MAPK11: variants seen among roughly 807,000 people sequenced by gnomAD.
The protein encoded by MAPK11 is mitogen-activated protein kinase 11.
In MAPK11, 44 loss-of-function variants were observed where a neutral mutation model predicts 52.2. That is an observed-to-expected ratio of 0.84 (90% CI 0.66 to 1.08). The LOEUF is 1.08. Ranked by LOEUF, MAPK11 falls within the 50% of genes least tolerant of loss-of-function variation. The pLI is 0.00. For synonymous variants in MAPK11, 233 were observed against 206.3 expected, an observed-to-expected ratio of 1.13 and a Z score of -1.11; for missense variants, 436 against 494.7, an observed-to-expected ratio of 0.88 and a Z score of 1.13.
chr22:50,266,961 G>A lies in MAPK11; in HGVS notation c.583C>T (p.Leu195Phe). ...GTTTGGTTGTAATGCATCCAGTTGA[G>A]CATGATCTCAGGTGCCCGGTACCAG... ...TRWYRAPEIM[L>F]NWMHYNQTVD... The change falls in exon 7 of 12, where the codon CTC becomes TTC. Residue 195 changes from leucine to phenylalanine, a missense_variant. By Grantham distance (22) the Leu-to-Phe change is conservative. Coordinates refer to ENST00000330651, the MANE Select transcript of MAPK11 (RefSeq NM_002751.7). The A allele has an allele frequency of 6.2e-7, 1 of 1,611,590 alleles. No homozygotes were observed. The highest frequency in any genetic ancestry group is 8.5e-7 in the Non-Finnish European group (1 of 1,179,972).
In MAPK11 at chr22:50,266,320, A is replaced by G. The variant is rs1183204498; in HGVS notation, c.683-15T>C. 6.2e-7 allele frequency: 1 copy of G among 1,600,582 alleles called. No individual in the cohort carries two copies. The highest frequency in any genetic ancestry group is 1.1e-5 in the South Asian group (1 of 89,374). Reference sequence around the variant, plus strand: ...CTGGTCAATGTCTGTGTCACTCAGGAAACACCCACGGGCCAGCCACAGACC... The same window carrying G: ...CTGGTCAATGTCTGTGTCACTCAGGGAACACCCACGGGCCAGCCACAGACC... On this transcript the variant is annotated splice_polypyrimidine_tract_variant and intron_variant, in intron 8 of 11. Transcript: ENST00000330651.
chr22:50,267,234 C>G, intron 5 of MAPK11, 23 bp downstream of exon 5: 3 of 1,608,346 alleles, frequency 1.9e-6, no homozygotes, highest in Non-Finnish European at 2.5e-6. Flanking sequence ...TGGACCCGAC[C>G]CTCACCCTGC....
rs751375132 is a variant in MAPK11, at chr22:50,267,933, G to A, written c.133C>T (p.Arg45Trp). 2 of 1,574,466 alleles carry A rather than the reference G, an allele frequency of 1.3e-6. No individual in the cohort carries two copies. Among genetic ancestry groups the A allele is most frequent in the African/African-American group, 1.4e-5 (1 of 71,646 alleles). The change falls in exon 2 of 12, where the codon CGG (arginine) becomes TGG (tryptophan). Residue 45 changes from arginine (R) to tryptophan (W), a missense_variant. Transcript: ENST00000330651. Reference protein sequence around the residue: ...YGSVCSAYDARLRQKVAVKKL... With the variant: ...YGSVCSAYDAWLRQKVAVKKL... ...TTCACCGCCACCTTCTGGCGCAGCC[G>A]GGCGTCGTAGGCCGAACTGGAAGGC... is the stretch of plus-strand genomic sequence containing the variant.
rs750605640 is a variant in MAPK11 at position 50,267,389 on chromosome 22, C to A, written c.399G>T (p.Gln133His). 1.9e-6 allele frequency: 3 copies of A among 1,610,510 alleles called. No homozygotes were observed. Among genetic ancestry groups the A allele is most frequent in the Admixed American group, 3.3e-5 (2 of 59,820 alleles). ...SDEHVQFLVY[Q>H]LLRGLKYIHS... The stretch of plus-strand genomic sequence containing the variant: ...GCCCCACCTTCAGCCCGCGCAGCAG[C>A]TGGTAAACCAGGAATTGAACGTGCT... Residue 133 changes from glutamine (Q) to histidine (H), a missense_variant, in exon 4 of 12, where the codon CAG becomes CAT. Coordinates refer to ENST00000330651, the MANE Select transcript of MAPK11 (RefSeq NM_002751.7).
chr22:50,265,277 G>T, intron 11 of MAPK11, 44 bp downstream of exon 11: 2 of 1,599,078 alleles, frequency 1.3e-6, no homozygotes, highest in Admixed American at 3.4e-5. Flanking sequence ...GGGAAATGGA[G>T]CCCGCAGGCC....
At chr22:50,265,058 G>T in intron 11 of MAPK11, 31 bp from the exon 12 acceptor site, 2 of 1,567,976 alleles carry the variant, frequency 1.3e-6, no homozygotes, top group Non-Finnish European at 8.8e-7. Flanking sequence ...GTGAGCTTGT[G>T]CCTCCCACAG....
rs367580805 is a variant in MAPK11 at position 50,267,031 on chromosome 22, C to G, written c.513G>C (p.Leu171=). 3.1e-6 allele frequency: 5 copies of G among 1,612,188 alleles called. No homozygotes were observed. In the African/African-American group the frequency reaches 6.7e-5, roughly 22 times the overall value. Reference sequence around the variant, plus strand: ...TCATCTCCTCGTCCGCCTGGCGCGCCAGCCCAAAATCCAGGATCTGGGGCG... The same window carrying G: ...TCATCTCCTCGTCCGCCTGGCGCGCGAGCCCAAAATCCAGGATCTGGGGCG... ...DCELRILDFG[L]ARQADEEMTG... is the part of the protein sequence containing the mutation. Residue 171 remains leucine, a synonymous_variant, in exon 7 of 12, where the codon CTG becomes CTC. Coordinates refer to ENST00000330651, the MANE Select transcript of MAPK11 (RefSeq NM_002751.7).
In MAPK11 at chr22:50,270,110, C is replaced by T. The variant is rs1210576568; in HGVS notation, c.116+67G>A. 3.7e-6 allele frequency: 3 copies of T among 815,536 alleles called. No homozygotes were observed. The highest frequency in any genetic ancestry group is 5.1e-6 in the Non-Finnish European group (3 of 590,478). 50.5% of individuals were successfully genotyped at this position (815,536 alleles called of 1,614,324 possible). A position where few individuals can be genotyped will look rare whatever the true frequency, so the allele number is the denominator to read the frequency against. ...CCCCACGCCGAGAACCTCGCGCGGG[C>T]GAGGAGGGGACGCGCTCTCCGGCCC... On this transcript the variant is annotated intron_variant, in intron 1 of 11. Coordinates refer to ENST00000330651, the MANE Select transcript of MAPK11 (RefSeq NM_002751.7). This position sits in a 1 kb window ranked among gnomAD's most constrained non-coding sequence, Gnocchi z 6.3.
intron 1 of MAPK11, among the ~76,000 whole-genome samples, chr22:50,269,421 C>T (rs1287582339): frequency 6.6e-6 from 1 of 152,218 alleles, no homozygotes; most frequent in African/African-American, 2.4e-5. Context: ...TGGGCAGCAG[C>T]TAAGCGGCAT....
rs1237989128 is a variant in MAPK11, at chr22:50,270,344, CGCCCGAGCCGA to C, written c.-63_-53del. The C allele has an allele frequency of 2.6e-5, 20 of 761,866 alleles. No homozygotes were observed. Among genetic ancestry groups the C allele is most frequent in the South Asian group, 2.3e-4 (4 of 17,212 alleles). 47.2% of individuals were successfully genotyped at this position (761,866 alleles called of 1,614,324 possible). A position where few individuals can be genotyped will look rare whatever the true frequency, so the allele number is the denominator to read the frequency against. Reference sequence around the variant, plus strand: ...GGCCCAGCCCCGCGCCCCGCGCCCGCGCCCGAGCCGAGCCCGAGCCGAGCGGAGCGGAGGGC... The same window carrying C: ...GGCCCAGCCCCGCGCCCCGCGCCCGCGCCCGAGCCGAGCGGAGCGGAGGGC... On this transcript the variant is annotated 5_prime_UTR_variant, in exon 1 of 12. Coordinates refer to ENST00000330651, the MANE Select transcript of MAPK11 (RefSeq NM_002751.7). The surrounding 1 kb of genome is among the most constrained non-coding windows in gnomAD (Gnocchi z 6.3).
chr22:50,266,941 G>A lies in MAPK11; in HGVS notation c.603C>T (p.Asn201=), dbSNP rs775827348. ...PEIMLNWMHY[N]QTVDIWSVGC... ...AAGGCCTTCCCCCTGCACCTGTTTG[G>A]TTGTAATGCATCCAGTTGAGCATGA... is the stretch of plus-strand genomic sequence containing the variant. Residue 201 remains asparagine, a synonymous_variant, in exon 7 of 12, where the codon AAC becomes AAT. Coordinates refer to ENST00000330651, the MANE Select transcript of MAPK11 (RefSeq NM_002751.7). 14 of 1,609,710 alleles carry A rather than the reference G, an allele frequency of 8.7e-6. No individual in the cohort carries two copies. The highest frequency in any genetic ancestry group is 1.2e-5 in the Non-Finnish European group (14 of 1,179,780).
Position 50,265,004 on chromosome 22 carries a change from TG to T in MAPK11, c.1038del (p.Ser347AlafsTer26). ...TTCGGTGGCTCTGGGGGCTTGAAGC[TG>T]AGGACTTCCTGGTAAGTGAGCTCTA... ...EWKELTYQEV[L>X]SFKPPEPPKP... On this transcript the variant is annotated frameshift_variant, in exon 12 of 12. Transcript: ENST00000330651. LOFTEE classifies it high-confidence loss of function. 6.2e-7 allele frequency: 1 copy of T among 1,613,300 alleles called. No homozygotes were observed. Among genetic ancestry groups the T allele is most frequent in the South Asian group, 1.1e-5 (1 of 91,014 alleles).
intron 9 of MAPK11, among the ~76,000 whole-genome samples, chr22:50,265,953 AGGC>A (rs879620521): frequency 0.018 from 2,476 of 136,362 alleles, 108 homozygotes; most frequent in South Asian, 0.03. Context: ...TGCCCTGGCC[AGGC>A]ACTGCTTGCT....
rs201513155 is a variant in MAPK11, at chr22:50,264,723, G to T, written c.*225C>A. ...AGAAGAGGACAGGAGGACCAAGGTA[G>T]GCCCAGGGACACTTGTGCCCAGACT... is the stretch of plus-strand genomic sequence containing the variant. On this transcript the variant is annotated 3_prime_UTR_variant, in exon 12 of 12. Transcript: ENST00000330651. The T allele has an allele frequency of 2.0e-6, 1 of 506,916 alleles. No homozygotes were observed. Among genetic ancestry groups the T allele is most frequent in the Non-Finnish European group, 3.6e-6 (1 of 279,582 alleles). 31.4% of individuals were successfully genotyped at this position (506,916 alleles called of 1,614,324 possible).
At position 50,269,349 on chromosome 22, in the gene MAPK11, G is replaced by A. The variant is rs61760588; in HGVS notation, c.116+828C>T. Among the ~76,000 whole-genome samples the A allele has an allele frequency of 6.5e-3, 993 of 152,306 alleles. 9 individuals are homozygous for A. Among genetic ancestry groups the A allele is most frequent in the African/African-American group, 0.022 (919 of 41,562 alleles). On this transcript the variant is annotated intron_variant, in intron 1 of 11. Coordinates refer to ENST00000330651, the MANE Select transcript of MAPK11 (RefSeq NM_002751.7). Reference sequence around the variant, plus strand: ...TAGAGGTCCCACTTCCAACCTGCAAGTGCCTGGGGCAGAGCTCTGCCCTGG... The same window carrying A: ...TAGAGGTCCCACTTCCAACCTGCAAATGCCTGGGGCAGAGCTCTGCCCTGG...
rs1433916513 is a variant in MAPK11, at chr22:50,267,591, A to G, written c.283T>C (p.Ser95Pro). 1.3e-6 allele frequency: 2 copies of G among 1,545,872 alleles called. No homozygotes were observed. The highest frequency in any genetic ancestry group is 2.0e-5 in the Admixed American group (1 of 51,040). ...CACACTTCGCTGAAGTCCTCGATGG[A>G]CGTGGCCGGCGTGAAGACGTCCAGA... ...GLLDVFTPAT[S>P]IEDFSEVYLV... Residue 95 changes from serine (S) to proline (P), a missense_variant, in exon 3 of 12, where the codon TCC becomes CCC. Ser to Pro is a moderately conservative substitution (Grantham distance 74). Transcript: ENST00000330651.
rs760309330 is a variant in MAPK11 at position 50,267,457 on chromosome 22, C to T, written c.331G>A (p.Ala111Thr). ...EVYLVTTLMG[A>T]DLNNIVKCQA... ...CACTTGACGATGTTGTTCAGGTCGG[C>T]GCCCATCAGGGTGGTCACCAAGTAC... The change falls in exon 4 of 12, where the codon GCC (alanine) becomes ACC (threonine). Residue 111 changes from alanine to threonine, a missense_variant. Transcript: ENST00000330651. The T allele has an allele frequency of 6.2e-7, 1 of 1,608,462 alleles. No individual in the cohort carries two copies. Among genetic ancestry groups the T allele is most frequent in the Non-Finnish European group, 8.5e-7 (1 of 1,178,064 alleles).
At chr22:50,269,915 C>A (rs183746620) in intron 1 of MAPK11, among the ~76,000 whole-genome samples, 1 of 152,290 alleles carries the variant, frequency 6.6e-6, no homozygotes, top group Non-Finnish European at 1.5e-5. Flanking sequence ...TGTGACCTCC[C>A]AGGCCTCAGG....
At position 50,265,421 on chromosome 22, in the gene MAPK11, G is replaced by A. The variant is rs146256858; in HGVS notation, c.915C>T (p.His305=). ...QRVSAAEALA[H]AYFSQYHDPE... ...GGTCGTGGTACTGGCTGAAGTAGGC[G>A]TGGGCCAGTGCCTCAGCTGCACTGA... The change falls in exon 11 of 12, where the codon CAC becomes CAT. Residue 305 remains histidine (H), a synonymous_variant. Coordinates refer to ENST00000330651, the MANE Select transcript of MAPK11 (RefSeq NM_002751.7). The A allele has an allele frequency of 1.2e-4, 193 of 1,613,138 alleles. 2 individuals are homozygous for A. The African/African-American group carries it at 1.8e-3, about 15-fold the overall frequency.
Sources: gnomAD v4.1 joint callset for allele counts (sites outside exome capture counted in the v4.1 genomes callset) on GRCh38, gnomAD v4.1.1 for gene constraint, Gnocchi (gnomAD v3.1) non-coding constraint, MANE v1.5 for transcripts, NCBI Gene and HGNC (gene_info 2026-07-23, HGNC 2026-07-21) for gene names.